HSH2D: variants seen among roughly 807,000 people sequenced by gnomAD.
HSH2D encodes hematopoietic SH2 domain containing, also known as hematopoietic SH2 domain-containing protein.
HSH2D carries 16 observed loss-of-function variants against 21.5 expected under a neutral mutation model. The observed-to-expected ratio is 0.74, with a 90% CI of 0.50 to 1.13. HSH2D has a LOEUF of 1.13. Among genes scored for constraint, HSH2D ranks in the 50% most tolerant of loss-of-function variants. The pLI is 0.00. For missense variants in HSH2D, 418 were observed against 441.4 expected (o/e 0.95, Z 0.47); for synonymous variants, 172 against 184.7 (o/e 0.93, Z 0.56).
Position 16,157,949 on chromosome 19 carries a change from CTCACCCATGGGG to C in HSH2D, c.*157_*168del, listed in dbSNP as rs1328126524. 1.6e-6 allele frequency: 1 copy of C among 607,976 alleles called. No homozygotes were observed. Among genetic ancestry groups the C allele is most frequent in the Non-Finnish European group, 2.9e-6 (1 of 346,686 alleles). The allele number at this position is 607,976 out of a possible 1,614,324, so 37.7% of individuals were successfully genotyped here. ...GATGTTTTTGGGGTCTGTTCCTGCA[CTCACCCATGGGG>C]TGAGCTGGTTATTTTAGCAACAATC... On this transcript the variant is annotated 3_prime_UTR_variant, in exon 6 of 6. Transcript: ENST00000613986. This position sits in a 1 kb window ranked among gnomAD's most constrained non-coding sequence, Gnocchi z 4.4.
At position 16,157,096 on chromosome 19, in the gene HSH2D, G is replaced by A. The variant is rs568024317; in HGVS notation, c.475-114G>A. On this transcript the variant is annotated intron_variant, in intron 5 of 5. Coordinates refer to ENST00000613986, the MANE Select transcript of HSH2D (RefSeq NM_001382417.1). The surrounding 1 kb of genome is among the most constrained non-coding windows in gnomAD (Gnocchi z 4.4). ...TGGGATCAGGTTTGGGGGTTCACAC[G>A]GGGACGTTTCTCAGCCACAGGGTGT... 8.1e-4 allele frequency: 632 copies of A among 783,862 alleles called. No individual in the cohort carries two copies. Among genetic ancestry groups the A allele is most frequent in the Non-Finnish European group, 1.1e-3 (561 of 506,252 alleles). The allele number at this position is 783,862 out of a possible 1,614,324, so 48.6% of individuals were successfully genotyped here. A position where few individuals can be genotyped will look rare whatever the true frequency, so the allele number is the denominator to read the frequency against.
In HSH2D at chr19:16,157,243, A is replaced by C. The variant is rs1014383760; in HGVS notation, c.508A>C (p.Lys170Gln). The C allele has an allele frequency of 6.4e-7, 1 of 1,570,616 alleles. No homozygotes were observed. Among genetic ancestry groups the C allele is most frequent in the South Asian group, 1.2e-5 (1 of 83,858 alleles). Residue 170 changes from lysine (K) to glutamine (Q), a missense_variant, in exon 6 of 6, where the codon AAG becomes CAG. Coordinates refer to ENST00000613986, the MANE Select transcript of HSH2D (RefSeq NM_001382417.1). The surrounding 1 kb of genome is among the most constrained non-coding windows in gnomAD (Gnocchi z 4.4). ...SPKPVLCHQS[K>Q]ERKPSAEMNR... ...AAAGCCAGTCCTGTGTCACCAATCA[A>C]AGGAAAGGAAGCCGTCAGCAGAGAT... is the stretch of plus-strand genomic sequence containing the variant.
At chr19:16,148,629 T>C in intron 1 of HSH2D, 95 bp from the exon 2 acceptor site, 1 of 1,273,082 alleles carries the variant, frequency 7.9e-7, no homozygotes, top group South Asian at 1.3e-5. Flanking sequence ...CCTGGAGGAC[T>C]TCTCAAAGGA....
chr19:16,141,353 C>T (rs376738941), upstream of HSH2D, among the ~76,000 whole-genome samples: 31 of 152,262 alleles, frequency 2.0e-4, no homozygotes, highest in East Asian at 2.5e-3. Context: ...GGCAATAGGC[C>T]CTTGGGGAGG....
intron 2 of HSH2D, chr19:16,151,475 C>G (rs993475739): frequency 6.6e-6 from 3 of 455,008 alleles, no homozygotes; most frequent in Non-Finnish European, 1.3e-5. Flanking sequence ...TTACTCTCCC[C>G]TTGAGGAAGC....
intron 2 of HSH2D, chr19:16,151,473 C>T (rs1312978465): frequency 2.2e-6 from 1 of 454,808 alleles, no homozygotes; most frequent in Non-Finnish European, 4.4e-6. Flanking sequence ...GTTTACTCTC[C>T]CCTTGAGGAA....
At chr19:16,154,685 T>G in intron 5 of HSH2D, 194 bp downstream of exon 5, 1 of 471,664 alleles carries the variant, frequency 2.1e-6, no homozygotes, top group South Asian at 2.2e-5. Flanking sequence ...TTTCTGCCTG[T>G]CACCTACCCA....
intron 1 of HSH2D, among the ~76,000 whole-genome samples, chr19:16,146,041 A>G (rs1001638712): frequency 6.8e-6 from 1 of 148,014 alleles, no homozygotes; most frequent in Non-Finnish European, 1.5e-5. Context: ...GCGCCACTGC[A>G]CTCCAGCCTG....
At chr19:16,148,305 C>T (rs1033263960) in intron 1 of HSH2D, among the ~76,000 whole-genome samples, 1 of 152,086 alleles carries the variant, frequency 6.6e-6, no homozygotes, top group Non-Finnish European at 1.5e-5. Context: ...CCCACCACCA[C>T]ACCCAGCTAA....
At chr19:16,140,993 A>C (rs1286701878), upstream of HSH2D, among the ~76,000 whole-genome samples, 1 of 152,190 alleles carries the variant, frequency 6.6e-6, no homozygotes, top group East Asian at 1.9e-4. Context: ...AGTCTCCCCC[A>C]GGCAAACACA....
At chr19:16,144,849 C>T (rs1287967041) in intron 1 of HSH2D, among the ~76,000 whole-genome samples, 2 of 148,458 alleles carry the variant, frequency 1.3e-5, no homozygotes, top group African/African-American at 5.0e-5. Flanking sequence ...CCCGCCACCA[C>T]ACCCAGCTAA....
At chr19:16,152,175 T>G (rs531423602) in intron 2 of HSH2D, among the ~76,000 whole-genome samples, 1 of 148,224 alleles carries the variant, frequency 6.7e-6, no homozygotes, top group South Asian at 2.1e-4. Flanking sequence ...CCCAGCACTT[T>G]GGGAGGCCGA....
At chr19:16,138,331 G>A (rs578039216) in intron 1 of HSH2D, among the ~76,000 whole-genome samples, 8 of 152,160 alleles carry the variant, frequency 5.3e-5, no homozygotes, top group South Asian at 2.1e-4. Context: ...ATGGAACCAC[G>A]TTTTGTTTAC....
At chr19:16,143,822 C>T (rs1158954327) in intron 1 of HSH2D, 48 bp downstream of exon 1, 8 of 401,100 alleles carry the variant, frequency 2.0e-5, no homozygotes, top group Admixed American at 1.1e-4. Flanking sequence ...AACGTGGGGG[C>T]TGGGCTAGGC....
chr19:16,141,344 G>C (rs1368282482), upstream of HSH2D, among the ~76,000 whole-genome samples: 1 of 152,202 alleles, frequency 6.6e-6, no homozygotes, highest in Non-Finnish European at 1.5e-5. Flanking sequence ...CTGGGCCAGG[G>C]CAATAGGCCC....
In HSH2D at chr19:16,148,887, C is replaced by T. The variant is rs1341743415; in HGVS notation, c.125+12C>T. 2 of 1,601,694 alleles carry T rather than the reference C, an allele frequency of 1.2e-6. No homozygotes were observed. Among genetic ancestry groups the T allele is most frequent in the Admixed American group, 3.4e-5 (2 of 58,792 alleles). On this transcript the variant is annotated intron_variant, in intron 2 of 5. Coordinates refer to ENST00000613986, the MANE Select transcript of HSH2D (RefSeq NM_001382417.1). ...GCAATCTCAAGAGAGTGAGGACACA[C>T]CCACACCCTCCACCCTGCCCTCCCC...
At chr19:16,144,637 T>C (rs2091038857) in intron 1 of HSH2D, among the ~76,000 whole-genome samples, 1 of 148,142 alleles carries the variant, frequency 6.8e-6, no homozygotes, top group South Asian at 2.2e-4. Flanking sequence ...AGCGGCTAAG[T>C]GGGCGAGCTA....
chr19:16,157,749 G>A lies in HSH2D; in HGVS notation c.1014G>A (p.Pro338=), dbSNP rs544007599. 1.7e-5 allele frequency: 28 copies of A among 1,611,580 alleles called. No homozygotes were observed. The highest frequency in any genetic ancestry group is 1.2e-4 in the African/African-American group (9 of 74,986). Residue 338 remains proline, a synonymous_variant, in exon 6 of 6, where the codon CCG becomes CCA. Transcript: ENST00000613986. This position sits in a 1 kb window ranked among gnomAD's most constrained non-coding sequence, Gnocchi z 4.4. ...CAGAGCCTGAGAACGACCAGCTCCC[G>A]GAGGAGTACCAACAACCGCCACCCT... ...GLAEPENDQL[P]EEYQQPPPFA...
intron 2 of HSH2D, among the ~76,000 whole-genome samples, chr19:16,150,961 A>G (rs1306161607): frequency 6.6e-6 from 1 of 152,198 alleles, no homozygotes; most frequent in Non-Finnish European, 1.5e-5. Context: ...GTGCAGGACC[A>G]AAGTCTCCCC....
Sources: gnomAD v4.1 joint callset for allele counts (sites outside exome capture counted in the v4.1 genomes callset) on GRCh38, gnomAD v4.1.1 for gene constraint, Gnocchi (gnomAD v3.1) non-coding constraint, MANE v1.5 for transcripts, NCBI Gene and HGNC (gene_info 2026-07-23, HGNC 2026-07-21) for gene names.